Variants in SWT1 observed in about 807,000 individuals in gnomAD.
SWT1 encodes transcriptional protein SWT1.
Under a neutral mutation model 107.3 loss-of-function variants are expected in SWT1, and 33 were observed. The ratio of observed to expected loss-of-function variants is 0.31; its 90% CI spans 0.23 to 0.41. The LOEUF (loss-of-function observed/expected upper bound fraction) is 0.41. SWT1 is among the 10% of genes least tolerant of loss of function. The pLI, the probability that SWT1 is intolerant of heterozygous loss-of-function variation, is 1.00. For missense variants in SWT1, 898 were observed against 1,028.9 expected (o/e 0.87, Z 1.74); for synonymous variants, 345 against 348.3 (o/e 0.99, Z 0.11).
intron 1 of SWT1, among the ~76,000 whole-genome samples, chr1:185,158,509 CT>C (rs145202662): frequency 4.6e-3 from 631 of 137,850 alleles, no homozygotes; most frequent in Middle Eastern, 7.4e-3. Context: ...GTTCTCATTT[CT>C]TTTTTTTTTT....
chr1:185,189,803 A>G (rs1432551690), intron 9 of SWT1, among the ~76,000 whole-genome samples: 1 of 150,510 alleles, frequency 6.6e-6, no homozygotes, highest in Non-Finnish European at 1.5e-5. Context: ...GTACATAAAT[A>G]TATATGAAAT....
intron 5 of SWT1, among the ~76,000 whole-genome samples, chr1:185,178,856 T>C (rs1423060488): frequency 6.6e-6 from 1 of 152,180 alleles, no homozygotes; most frequent in Non-Finnish European, 1.5e-5. Flanking sequence ...TGAAGTGTGT[T>C]GTTATATCAT....
chr1:185,180,763 G>T (rs1655956892), intron 6 of SWT1, among the ~76,000 whole-genome samples: 2 of 152,170 alleles, frequency 1.3e-5, no homozygotes, highest in Admixed American at 6.6e-5. Context: ...TTGCCAAAAT[G>T]CAGTAGGACA....
chr1:185,192,805 G>A (rs1335827993), intron 10 of SWT1, among the ~76,000 whole-genome samples: 8 of 151,768 alleles, frequency 5.3e-5, no homozygotes, highest in African/African-American at 1.7e-4. Context: ...GTGCCACCAC[G>A]CCTGACTAAT....
intron 7 of SWT1, among the ~76,000 whole-genome samples, chr1:185,182,664 C>G (rs114740331): frequency 0.015 from 1,447 of 96,816 alleles, 22 homozygotes; most frequent in African/African-American, 0.058. Flanking sequence ...GACCCTCTCT[C>G]TCTCAAAAAA....
At position 185,196,607 on chromosome 1, in the gene SWT1, C is replaced by G. The variant is rs1413069374; in HGVS notation, c.1523+5965C>G. Among the ~76,000 whole-genome samples the G allele has an allele frequency of 3.9e-5, 6 of 152,182 alleles. No homozygotes were observed. The East Asian group carries it at 9.6e-4, about 24-fold the overall frequency. ...GCCATTTTCACAATACTGATTCTTC[C>G]TATCCATGGGCATGGAATGTTTTTC... On this transcript the variant is annotated intron_variant, in intron 10 of 18. Transcript: ENST00000367500.
chr1:185,276,939 T>A, intron 18 of SWT1, among the ~76,000 whole-genome samples: 1 of 152,220 alleles, frequency 6.6e-6, no homozygotes. Context: ...AAAGAGCTTT[T>A]TTTTGTATGG....
At chr1:185,163,054 G>T (rs1247288921) in intron 2 of SWT1, among the ~76,000 whole-genome samples, 1 of 152,056 alleles carries the variant, frequency 6.6e-6, no homozygotes, top group South Asian at 2.1e-4. Context: ...TTTGCTGCTG[G>T]AGGGACTTGC....
intron 14 of SWT1, among the ~76,000 whole-genome samples, chr1:185,220,536 T>C (rs1659578411): frequency 6.6e-6 from 1 of 152,184 alleles, no homozygotes; most frequent in Admixed American, 6.5e-5. Context: ...CCCCTTCAGT[T>C]TGTCTATTTC....
chr1:185,216,419 G>A (rs1405233827), intron 14 of SWT1, among the ~76,000 whole-genome samples: 1 of 152,050 alleles, frequency 6.6e-6, no homozygotes, highest in Non-Finnish European at 1.5e-5. Flanking sequence ...ATAAAATGTG[G>A]TGAACAGATG....
intron 9 of SWT1, among the ~76,000 whole-genome samples, chr1:185,187,945 G>A (rs1472483402): frequency 6.6e-6 from 1 of 152,072 alleles, no homozygotes; most frequent in East Asian, 1.9e-4. Flanking sequence ...TGCCTGCCTC[G>A]GCTTCCCAGA....
intron 7 of SWT1, 126 bp downstream of exon 7, chr1:185,182,183 G>A: frequency 2.1e-6 from 2 of 937,012 alleles, no homozygotes; most frequent in Non-Finnish European, 3.0e-6. Flanking sequence ...GAATGATAAA[G>A]TAATAGTTTA....
At position 185,174,705 on chromosome 1, in the gene SWT1, C is replaced by T; in HGVS notation, c.558C>T (p.Leu186=). 12 of 1,613,276 alleles carry T rather than the reference C, an allele frequency of 7.4e-6. No individual in the cohort carries two copies. Among genetic ancestry groups the T allele is most frequent in the Non-Finnish European group, 9.3e-6 (11 of 1,179,838 alleles). ...TTCAGAGAGAGAAGATGAAAGAACT[C>T]AAGAAAGGAAGAAACAGTAAATTTA... ...LLVQREKMKE[L]KKGRNSKFRD... The change falls in exon 5 of 19, where the codon CTC becomes CTT. Residue 186 remains leucine (L), a synonymous_variant. Coordinates refer to ENST00000367500, the MANE Select transcript of SWT1 (RefSeq NM_017673.7).
chr1:185,233,812 C>T (rs1429024738), intron 16 of SWT1, among the ~76,000 whole-genome samples: 2 of 152,102 alleles, frequency 1.3e-5, no homozygotes, highest in African/African-American at 2.4e-5. Flanking sequence ...AGCGCAATCT[C>T]AGCTCACTGC....
intron 12 of SWT1, among the ~76,000 whole-genome samples, chr1:185,205,390 C>T (rs559582634): frequency 1.2e-4 from 19 of 152,200 alleles, no homozygotes; most frequent in East Asian, 5.8e-4. Context: ...TGTTTTGAGA[C>T]GGTGTCTCGC....
chr1:185,175,225 TTTG>T, intron 5 of SWT1, 112 bp downstream of exon 5: 3 of 977,124 alleles, frequency 3.1e-6, no homozygotes, highest in Non-Finnish European at 4.2e-6. Context: ...TTTGTTGTTG[TTTG>T]TTTTTTGTTT....
intron 9 of SWT1, among the ~76,000 whole-genome samples, chr1:185,190,101 G>A (rs1331430993): frequency 2.6e-5 from 4 of 152,100 alleles, no homozygotes; most frequent in South Asian, 2.1e-4. Flanking sequence ...GCACACCTCG[G>A]CCTCCCAAAG....
At chr1:185,199,855 A>G (rs1657719648) in intron 10 of SWT1, among the ~76,000 whole-genome samples, 1 of 151,978 alleles carries the variant, frequency 6.6e-6, no homozygotes, top group Non-Finnish European at 1.5e-5. Flanking sequence ...ACTTGGTTCC[A>G]TTCTCCCTGT....
chr1:185,280,193 C>T (rs1291189815), intron 18 of SWT1, among the ~76,000 whole-genome samples: 1 of 152,104 alleles, frequency 6.6e-6, no homozygotes, highest in Non-Finnish European at 1.5e-5. Flanking sequence ...ATGCTCTTCC[C>T]ACTTCACTCA....
Sources: allele counts gnomAD v4.1 joint callset (sites outside exome capture counted in the v4.1 genomes callset), GRCh38; gene constraint gnomAD v4.1.1; transcripts MANE v1.5; gene names NCBI Gene and HGNC (gene_info 2026-07-23, HGNC 2026-07-21).